Variants in ATXN2L observed in about 807,000 individuals in gnomAD.
The protein encoded by ATXN2L is ataxin-2-like protein.
In ATXN2L, 24 loss-of-function variants were observed where a neutral mutation model predicts 120.7. That is an observed-to-expected ratio of 0.20 (90% CI 0.14 to 0.28). ATXN2L has a LOEUF of 0.28. Ranked by LOEUF, ATXN2L falls within the 10% of genes least tolerant of loss-of-function variation. ATXN2L has a pLI of 1.00. For missense variants in ATXN2L, 1,312 were observed against 1,432.3 expected, an observed-to-expected ratio of 0.92 and a Z score of 1.36; for synonymous variants, 653 against 568.1, an observed-to-expected ratio of 1.15 and a Z score of -2.13.
chr16:28,834,434 G>A lies in ATXN2L; in HGVS notation c.2245+19G>A, dbSNP rs1426073609. The A allele has an allele frequency of 1.2e-6, 2 of 1,613,752 alleles. No individual in the cohort carries two copies. The highest frequency in any genetic ancestry group is 1.1e-5 in the South Asian group (1 of 91,090). On this transcript the variant is annotated intron_variant, in intron 17 of 21. Transcript: ENST00000336783. The stretch of plus-strand genomic sequence containing the variant: ...GCAAAAGGTGAGCAGGGCTGGGAGG[G>A]GCAGGCGGCGAGGCTGCCAAGGGCC...
rs780543317 is a variant in ATXN2L, at chr16:28,835,168, T to C, written c.2544T>C (p.Pro848=). Residue 848 remains proline, a synonymous_variant, in exon 19 of 22, where the codon CCT becomes CCC. Coordinates refer to ENST00000336783, the MANE Select transcript of ATXN2L (RefSeq NM_007245.4). The part of the protein sequence containing the change: ...STPQYPSAEQ[P]TPQALYATVH... ...CTCAGTACCCTTCTGCAGAGCAGCC[T>C]ACCCCCCAAGCCCTTTATGGTGAGT... 1.1e-5 allele frequency: 18 copies of C among 1,612,602 alleles called. No individual in the cohort carries two copies. In the East Asian group the frequency reaches 3.8e-4, roughly 34 times the overall value.
At chr16:28,824,688 A>G (rs1165396441) in intron 1 of ATXN2L, 1 of 834,446 alleles carries the variant, frequency 1.2e-6, no homozygotes, top group Non-Finnish European at 1.6e-6. Context: ...AGGTAGTTCC[A>G]AAGCTGCACT....
At chr16:28,826,624 A>T in intron 5 of ATXN2L, 1 of 595,842 alleles carries the variant, frequency 1.7e-6, no homozygotes, top group Non-Finnish European at 2.8e-6. Flanking sequence ...GTGGTTCTTC[A>T]TATTTTCTTT....
intron 5 of ATXN2L, 154 bp from the exon 6 acceptor site, chr16:28,826,708 C>G: frequency 1.1e-6 from 1 of 886,976 alleles, no homozygotes; most frequent in South Asian, 2.4e-5. Flanking sequence ...TCTCTTGCCT[C>G]CCCACCCCCT....
rs202060357 is a variant in ATXN2L, at chr16:28,835,166, C to T, written c.2542C>T (p.Pro848Ser). The T allele has an allele frequency of 6.2e-7, 1 of 1,612,658 alleles. No homozygotes were observed. Among genetic ancestry groups the T allele is most frequent in the Admixed American group, 1.7e-5 (1 of 59,838 alleles). Reference protein sequence around the residue: ...STPQYPSAEQPTPQALYATVH... With the variant: ...STPQYPSAEQSTPQALYATVH... ...CCCTCAGTACCCTTCTGCAGAGCAG[C>T]CTACCCCCCAAGCCCTTTATGGTGA... Residue 848 changes from proline (P) to serine (S), a missense_variant, in exon 19 of 22, where the codon CCT becomes TCT. Transcript: ENST00000336783.
intron 2 of ATXN2L, 79 bp from the exon 3 acceptor site, chr16:28,825,545 A>T: frequency 1.3e-6 from 2 of 1,539,870 alleles, no homozygotes; most frequent in Non-Finnish European, 1.8e-6. Context: ...GAATGAGTAG[A>T]GTGCGGCGGG....
chr16:28,833,366 G>A lies in ATXN2L; in HGVS notation c.1955+12G>A, dbSNP rs763628472. On this transcript the variant is annotated intron_variant, in intron 14 of 21. Transcript: ENST00000336783. ...GGCCCTGTTGCTGAGTGAGTGGAGC[G>A]GGGTGGGGCTCTGGGAGGATGGCAG... The A allele has an allele frequency of 2.9e-5, 46 of 1,613,334 alleles. No homozygotes were observed. The South Asian group carries it at 3.1e-4, about 11-fold the overall frequency.
intron 6 of ATXN2L, among the ~76,000 whole-genome samples, chr16:28,828,414 C>G (rs62036623): frequency 0.29 from 43,712 of 151,834 alleles, 8,015 homozygotes; most frequent in Non-Finnish European, 0.39. Context: ...TGGAGAAGCC[C>G]CATCTCTACT....
At position 28,836,279 on chromosome 16, in the gene ATXN2L, C is replaced by T. The variant is rs2152123334; in HGVS notation, c.*14C>T. Reference sequence around the variant, plus strand: ...GGTGGGGAGTGAGGGGTCTTGGAGGCAGGGCTGTCCCACAGGGCGCCCGCC... The same window carrying T: ...GGTGGGGAGTGAGGGGTCTTGGAGGTAGGGCTGTCCCACAGGGCGCCCGCC... On this transcript the variant is annotated 3_prime_UTR_variant, in exon 22 of 22. Coordinates refer to ENST00000336783, the MANE Select transcript of ATXN2L (RefSeq NM_007245.4). 6.2e-7 allele frequency: 1 copy of T among 1,609,732 alleles called. No homozygotes were observed. Among genetic ancestry groups the T allele is most frequent in the East Asian group, 2.2e-5 (1 of 44,816 alleles).
intron 6 of ATXN2L, among the ~76,000 whole-genome samples, chr16:28,828,809 G>A (rs752496626): frequency 9.2e-5 from 14 of 152,062 alleles, no homozygotes; most frequent in Non-Finnish European, 2.1e-4. Flanking sequence ...AGGCTGGAGT[G>A]CAGTGGCTCG....
At chr16:28,831,108 G>T in intron 10 of ATXN2L, 36 bp downstream of exon 10, 1 of 1,392,186 alleles carries the variant, frequency 7.2e-7, no homozygotes, top group Non-Finnish European at 1.0e-6. Flanking sequence ...AGAAATGGAT[G>T]GAAATTTGTA....
At chr16:28,832,931 G>A in intron 13 of ATXN2L, 44 bp downstream of exon 13, 1 of 1,609,262 alleles carries the variant, frequency 6.2e-7, no homozygotes, top group African/African-American at 1.3e-5. Flanking sequence ...TAAAGGGGTT[G>A]GGAGTGGTTC....
intron 1 of ATXN2L, chr16:28,824,700 C>CAGGAG: frequency 2.7e-6 from 2 of 734,114 alleles, no homozygotes; most frequent in Non-Finnish European, 3.7e-6. Flanking sequence ...AGCTGCACTC[C>CAGGAG]TGGAGCTTTT....
intron 1 of ATXN2L, chr16:28,824,370 A>G: frequency 8.1e-7 from 1 of 1,234,516 alleles, no homozygotes; most frequent in Non-Finnish European, 1.0e-6. Flanking sequence ...GGGGGTTCGG[A>G]AAGTCCCGTG....
In ATXN2L at chr16:28,823,554, G is replaced by A. The variant is rs968923066; in HGVS notation, c.295G>A (p.Ala99Thr). ...ERPGAAAIGSARGQSTGKGPP... is the reference protein window; with the variant it reads ...ERPGAAAIGSTRGQSTGKGPP... ...GCCGGGGGCAGCCGCCATCGGCAGCGCCAGGTGAGAAGGGTGGGCTCCGGG... is the reference window on the plus strand; with the variant it reads ...GCCGGGGGCAGCCGCCATCGGCAGCACCAGGTGAGAAGGGTGGGCTCCGGG... The change falls in exon 1 of 22, where the codon GCC (alanine) becomes ACC (threonine). Residue 99 changes from alanine (A) to threonine (T), a missense_variant. By Grantham distance (58) the Ala-to-Thr change is moderately conservative. Coordinates refer to ENST00000336783, the MANE Select transcript of ATXN2L (RefSeq NM_007245.4). The A allele has an allele frequency of 1.9e-5, 26 of 1,350,934 alleles. No individual in the cohort carries two copies. Among genetic ancestry groups the A allele is most frequent in the Non-Finnish European group, 2.5e-5 (26 of 1,055,104 alleles). The allele number at this position is 1,350,934 out of a possible 1,614,324, so 83.7% of individuals were successfully genotyped here.
In ATXN2L at chr16:28,829,049, G is replaced by A. The variant is rs190610329; in HGVS notation, c.742-352G>A. Among the ~76,000 whole-genome samples, 7 of 152,236 alleles carry A rather than the reference G, an allele frequency of 4.6e-5. 1 individual carries two copies. In the East Asian group the frequency reaches 1.2e-3, roughly 25 times the overall value. On this transcript the variant is annotated intron_variant, in intron 6 of 21. Transcript: ENST00000336783. ...CCCAGCTAGTCGCCCAGGCCAGAGC[G>A]CAGTGGTGCCATAATAATTCACTGC...
chr16:28,834,821 T>C (rs1350561629), intron 18 of ATXN2L, 128 bp downstream of exon 18: 36 of 1,255,046 alleles, frequency 2.9e-5, no homozygotes, highest in Non-Finnish European at 3.9e-5. Context: ...TCTGTGGTAT[T>C]GGCGGTGTCA....
chr16:28,830,574 G>A, intron 8 of ATXN2L, 41 bp from the exon 9 acceptor site: 1 of 1,512,500 alleles, frequency 6.6e-7, no homozygotes, highest in African/African-American at 1.4e-5. Flanking sequence ...CCAAAACGTG[G>A]GTTTTGTGGC....
chr16:28,823,450 C>A lies in ATXN2L; in HGVS notation c.191C>A (p.Ala64Asp), dbSNP rs2050314368. 3.0e-6 allele frequency: 4 copies of A among 1,326,286 alleles called. No individual in the cohort carries two copies. The highest frequency in any genetic ancestry group is 3.8e-6 in the Non-Finnish European group (4 of 1,044,554). 82.2% of individuals were successfully genotyped at this position (1,326,286 alleles called of 1,614,324 possible). A position where few individuals can be genotyped will look rare whatever the true frequency, so the allele number is the denominator to read the frequency against. The change falls in exon 1 of 22, where the codon GCT (alanine) becomes GAT (aspartate). Residue 64 changes from alanine (A) to aspartate (D), a missense_variant. Ala to Asp is a moderately radical substitution (Grantham distance 126). Coordinates refer to ENST00000336783, the MANE Select transcript of ATXN2L (RefSeq NM_007245.4). The stretch of plus-strand genomic sequence containing the variant: ...TCCCCCTGCCTGGGGCCTGTGGCCG[C>A]TGCCGGGAGCGGGCTCCGCCGGGGA... ...AASPCLGPVA[A>D]AGSGLRRGAE... is the part of the protein sequence containing the mutation.
Sources: gnomAD v4.1 joint callset for allele counts (sites outside exome capture counted in the v4.1 genomes callset) on GRCh38, gnomAD v4.1.1 for gene constraint, MANE v1.5 for transcripts, NCBI Gene and HGNC (gene_info 2026-07-23, HGNC 2026-07-21) for gene names.